GNAQ: variants seen among roughly 807,000 people sequenced by gnomAD.
GNAQ encodes the protein guanine nucleotide-binding protein G(q) subunit alpha.
A neutral mutation model predicts 43.9 loss-of-function variants in GNAQ; 8 were observed. That is an observed-to-expected ratio of 0.18 (90% confidence interval 0.11 to 0.33). GNAQ has a LOEUF of 0.33. GNAQ is among the 10% of genes least tolerant of loss of function. The pLI, the probability that GNAQ is intolerant of heterozygous loss-of-function variation, is 1.00. For missense variants in GNAQ, 158 were observed against 450.8 expected, an observed-to-expected ratio of 0.35 and a Z score of 5.88; for synonymous variants, 155 against 170.7, an observed-to-expected ratio of 0.91 and a Z score of 0.71.
At chr9:77,968,582 A>G (rs189652467) in intron 1 of GNAQ, among the ~76,000 whole-genome samples, 24 of 152,332 alleles carry the variant, frequency 1.6e-4, no homozygotes, top group African/African-American at 5.3e-4. Flanking sequence ...GTGACATTCT[A>G]TGTATTGAAT....
intron 1 of GNAQ, among the ~76,000 whole-genome samples, chr9:78,029,969 T>C (rs889407522): frequency 6.6e-6 from 1 of 152,176 alleles, no homozygotes; most frequent in Non-Finnish European, 1.5e-5. Context: ...ATATGAACCC[T>C]GATCGCTTGA....
rs909470925 is a variant in GNAQ, at chr9:77,816,211, A to G, written c.322-441T>C. ...ATGGGTGTTGTATGTCTAAGCAGAAACTCAATCAGAATCCTCAACTAATCA... is the reference window on the plus strand; with the variant it reads ...ATGGGTGTTGTATGTCTAAGCAGAAGCTCAATCAGAATCCTCAACTAATCA... On this transcript the variant is annotated intron_variant, in intron 2 of 6. Transcript: ENST00000286548. Among the ~76,000 whole-genome samples, 51 of 152,282 alleles carry G rather than the reference A, an allele frequency of 3.3e-4. 1 individual carries two copies. The highest frequency in any genetic ancestry group is 1.0e-4 in the Non-Finnish European group (7 of 68,016).
intron 2 of GNAQ, among the ~76,000 whole-genome samples, chr9:77,904,402 G>A (rs977084378): frequency 7.9e-6 from 1 of 126,474 alleles, no homozygotes; most frequent in Non-Finnish European, 1.6e-5. Flanking sequence ...GTACGATCTT[G>A]GCTCACTGCA....
At chr9:77,949,284 G>T (rs912755978) in intron 1 of GNAQ, among the ~76,000 whole-genome samples, 3 of 152,158 alleles carry the variant, frequency 2.0e-5, no homozygotes, top group African/African-American at 7.2e-5. Flanking sequence ...GTTCAAGGAT[G>T]GAACTTCAGT....
chr9:77,813,553 T>C (rs934778283), intron 3 of GNAQ, among the ~76,000 whole-genome samples: 1 of 152,174 alleles, frequency 6.6e-6, no homozygotes, highest in African/African-American at 2.4e-5. Context: ...AAATCTAAAC[T>C]GAGGGTATGT....
intron 1 of GNAQ, among the ~76,000 whole-genome samples, chr9:77,964,302 C>T (rs10781475): frequency 0.2 from 30,684 of 151,900 alleles, 3,325 homozygotes; most frequent in South Asian, 0.39. Flanking sequence ...CAGAGAGAAA[C>T]GGACAAGTCT....
At chr9:77,806,486 G>A (rs1826831511) in intron 3 of GNAQ, among the ~76,000 whole-genome samples, 1 of 152,186 alleles carries the variant, frequency 6.6e-6, no homozygotes, top group Admixed American at 6.5e-5. Flanking sequence ...GGCTACCTGT[G>A]AAGCAAAGAG....
intron 2 of GNAQ, among the ~76,000 whole-genome samples, chr9:77,915,615 C>T (rs1410604548): frequency 8.2e-6 from 1 of 122,084 alleles, no homozygotes; most frequent in Admixed American, 1.2e-4. Flanking sequence ...AAATTCAAGG[C>T]TTAGAGAGTT....
intron 5 of GNAQ, among the ~76,000 whole-genome samples, chr9:77,755,002 GGATA>G (rs1421974477): frequency 1.3e-5 from 2 of 152,146 alleles, no homozygotes; most frequent in African/African-American, 2.4e-5. Context: ...ACAGACAAAT[GGATA>G]AAGAAAATGT....
At chr9:77,960,774 TA>T (rs967343650) in intron 1 of GNAQ, among the ~76,000 whole-genome samples, 3 of 148,168 alleles carry the variant, frequency 2.0e-5, no homozygotes, top group African/African-American at 7.5e-5. Context: ...CACTTTAACC[TA>T]AAAAAAATGA....
At position 77,953,703 on chromosome 9, in the gene GNAQ, G is replaced by A. The variant is rs145567580; in HGVS notation, c.137-31358C>T. Among the ~76,000 whole-genome samples, 236 of 152,300 alleles carry A rather than the reference G, an allele frequency of 1.5e-3. 1 individual carries two copies. Among genetic ancestry groups the A allele is most frequent in the African/African-American group, 5.5e-3 (228 of 41,568 alleles). ...CAGATACTTCATCTGTGACTGCTGT[G>A]TTAAGTAATCCTCTTATGGTATTTA... On this transcript the variant is annotated intron_variant, in intron 1 of 6. Coordinates refer to ENST00000286548, the MANE Select transcript of GNAQ (RefSeq NM_002072.5).
At chr9:77,773,460 A>T (rs1005132439) in intron 5 of GNAQ, among the ~76,000 whole-genome samples, 9 of 152,338 alleles carry the variant, frequency 5.9e-5, no homozygotes, top group African/African-American at 2.2e-4. Context: ...TTTAAGAGTA[A>T]TGATATCCTC....
rs528636596 is a variant in GNAQ at position 77,852,635 on chromosome 9, G to A, written c.322-36865C>T. ...TCTTTCCAGGTATGCCTCCCCGAAA[G>A]CATCCCTGCTAACTTTGGGACTACG... On this transcript the variant is annotated intron_variant, in intron 2 of 6. Coordinates refer to ENST00000286548, the MANE Select transcript of GNAQ (RefSeq NM_002072.5). Among the ~76,000 whole-genome samples, 4 of 152,298 alleles carry A rather than the reference G, an allele frequency of 2.6e-5. No individual in the cohort carries two copies. The East Asian group carries it at 7.7e-4, about 29-fold the overall frequency.
At chr9:77,930,120 G>A (rs1200961335) in intron 1 of GNAQ, among the ~76,000 whole-genome samples, 2 of 152,130 alleles carry the variant, frequency 1.3e-5, no homozygotes, top group African/African-American at 2.4e-5. Flanking sequence ...AATGTGATTA[G>A]ACCAAGGATG....
intron 1 of GNAQ, among the ~76,000 whole-genome samples, chr9:77,970,232 A>AAAAC (rs1220064514): frequency 1.3e-5 from 2 of 149,412 alleles, no homozygotes; most frequent in African/African-American, 2.5e-5. Flanking sequence ...CAAAAAAAAA[A>AAAAC]AAACAAACAA....
At chr9:77,820,528 CAT>C (rs1299725488) in intron 2 of GNAQ, among the ~76,000 whole-genome samples, 1 of 152,184 alleles carries the variant, frequency 6.6e-6, no homozygotes, top group African/African-American at 2.4e-5. Context: ...TATGATTCAA[CAT>C]GTGGCTCAGC....
chr9:77,761,564 G>A (rs1289542433), intron 5 of GNAQ, among the ~76,000 whole-genome samples: 14 of 141,858 alleles, frequency 9.9e-5, no homozygotes, highest in East Asian at 2.3e-4. Flanking sequence ...TCAGCCCCCC[G>A]CCCGGCCAGC....
intron 5 of GNAQ, among the ~76,000 whole-genome samples, chr9:77,765,600 A>C (rs903392131): frequency 1.3e-5 from 2 of 152,250 alleles, no homozygotes; most frequent in African/African-American, 4.8e-5. Flanking sequence ...TAAAAGAAAA[A>C]CAGGAAATAA....
At position 77,720,225 on chromosome 9, in the gene GNAQ, T is replaced by C. The variant is rs568165072; in HGVS notation, c.*1098A>G. The C allele has an allele frequency of 8.6e-6, 2 of 233,372 alleles. No individual in the cohort carries two copies. Among genetic ancestry groups the C allele is most frequent in the Non-Finnish European group, 1.7e-5 (2 of 117,912 alleles). 14.5% of individuals were successfully genotyped at this position (233,372 alleles called of 1,614,324 possible). A position where few individuals can be genotyped will look rare whatever the true frequency, so the allele number is the denominator to read the frequency against. On this transcript the variant is annotated 3_prime_UTR_variant, in exon 7 of 7. Coordinates refer to ENST00000286548, the MANE Select transcript of GNAQ (RefSeq NM_002072.5). ...GCATTTCTGGTTCATTCTCAGCCAG[T>C]CATTTTAGGCTTCACAGTCTTACTC...
Sources: gnomAD v4.1 joint callset for allele counts (sites outside exome capture counted in the v4.1 genomes callset) on GRCh38, gnomAD v4.1.1 for gene constraint, MANE v1.5 for transcripts, NCBI Gene and HGNC (gene_info 2026-07-23, HGNC 2026-07-21) for gene names.